The following KAZN variants were observed in gnomAD, a reference collection of about 807,000 sequenced individuals.
KAZN encodes the protein kazrin, periplakin interacting protein.
In KAZN, 40 loss-of-function variants were observed where a neutral mutation model predicts 87.4. The observed-to-expected ratio is 0.46, with a 90% CI of 0.36 to 0.60. The LOEUF is 0.60. KAZN is among the 20% of genes least tolerant of loss of function. KAZN has a pLI of 0.00. For missense variants in KAZN, 898 were observed against 1,073.9 expected (o/e 0.84, Z 2.29); for synonymous variants, 466 against 458.3 (o/e 1.02, Z -0.22).
chr1:14,228,046 ACTT>A (rs2100528265), intron 2 of KAZN, among the ~76,000 whole-genome samples: 1 of 152,206 alleles, frequency 6.6e-6, no homozygotes, highest in East Asian at 1.9e-4. Flanking sequence ...CTGTAGACTG[ACTT>A]CTTCTGATTA....
At chr1:14,019,193 A>T (rs1640710610) in intron 1 of KAZN, among the ~76,000 whole-genome samples, 1 of 152,242 alleles carries the variant, frequency 6.6e-6, no homozygotes. Context: ...AATCTATATC[A>T]GATGCTTGAA....
intron 2 of KAZN, among the ~76,000 whole-genome samples, chr1:14,358,805 C>G (rs1230413349): frequency 6.6e-6 from 1 of 152,132 alleles, no homozygotes; most frequent in Non-Finnish European, 1.5e-5. Flanking sequence ...GTTATGATTT[C>G]TGTTCTTTTG....
intron 3 of KAZN, among the ~76,000 whole-genome samples, chr1:15,043,633 CTTTTTTTTTTTTTTT>C (rs71000361): frequency 4.1e-5 from 3 of 72,622 alleles, no homozygotes; most frequent in South Asian, 5.5e-4. Context: ...CTCCCCACTT[CTTTTTTTTTTTTTTT>C]TTTTTTTTTT....
intron 2 of KAZN, among the ~76,000 whole-genome samples, chr1:14,353,633 A>G (rs547943772): frequency 4.6e-5 from 7 of 152,360 alleles, no homozygotes; most frequent in Non-Finnish European, 1.5e-5. Flanking sequence ...ACATAATTTA[A>G]TACTATCTTT....
intron 2 of KAZN, among the ~76,000 whole-genome samples, chr1:14,274,181 G>A (rs758517832): frequency 2.0e-5 from 3 of 152,138 alleles, no homozygotes; most frequent in Admixed American, 6.6e-5. Flanking sequence ...ATTTTTGTAC[G>A]TGAAAAATGT....
rs1355598627 is a variant in KAZN at position 14,773,298 on chromosome 1, G to A, written c.226+174075G>A. Among the ~76,000 whole-genome samples, 1 of 152,110 alleles carries A rather than the reference G, an allele frequency of 6.6e-6. No individual in the cohort carries two copies. The highest frequency in any genetic ancestry group is 2.4e-5 in the African/African-American group (1 of 41,442). On this transcript the variant is annotated intron_variant, in intron 1 of 14. Transcript: ENST00000376030. The surrounding 1 kb of genome is among the most constrained non-coding windows in gnomAD (Gnocchi z 5.9). ...AGTGGGACTGTGGCACACAGTGGTGGCCTGGCGTATGAGAAGACCACCCCC... is the reference window on the plus strand; with the variant it reads ...AGTGGGACTGTGGCACACAGTGGTGACCTGGCGTATGAGAAGACCACCCCC...
chr1:14,652,731 G>A (rs536114129), intron 1 of KAZN, among the ~76,000 whole-genome samples: 9 of 121,082 alleles, frequency 7.4e-5, no homozygotes, highest in African/African-American at 2.2e-4. Context: ...CCACCCATCC[G>A]TTAATCCATC....
intron 1 of KAZN, among the ~76,000 whole-genome samples, chr1:14,734,273 G>A (rs1236616010): frequency 6.6e-6 from 1 of 151,758 alleles, no homozygotes; most frequent in African/African-American, 2.4e-5. Flanking sequence ...GGTCTGGGGT[G>A]GGGCCAGAGA....
intron 1 of KAZN, among the ~76,000 whole-genome samples, chr1:13,921,512 A>C (rs1254157961): frequency 6.6e-6 from 1 of 152,250 alleles, no homozygotes; most frequent in African/African-American, 2.4e-5. Flanking sequence ...ATCCATGAGC[A>C]TGCCTTCCAA....
At chr1:15,112,738 C>A (rs554377676) in intron 14 of KAZN, 197 bp downstream of exon 14, 1 of 505,668 alleles carries the variant, frequency 2.0e-6, no homozygotes, top group East Asian at 3.1e-5. Context: ...GTGCACAAAG[C>A]CCCCGCAGGG....
At chr1:15,004,833 A>G (rs540666359) in intron 2 of KAZN, among the ~76,000 whole-genome samples, 1 of 152,314 alleles carries the variant, frequency 6.6e-6, no homozygotes, top group Admixed American at 6.5e-5. Context: ...CCTAATCTGT[A>G]AAGTGGGTAT....
At chr1:14,171,961 G>A (rs1029009810) in intron 1 of KAZN, among the ~76,000 whole-genome samples, 9 of 149,622 alleles carry the variant, frequency 6.0e-5, no homozygotes, top group South Asian at 2.1e-4. Context: ...ATGTCAAAGC[G>A]TGTCATTTTT....
chr1:14,094,021 C>T (rs954416535), intron 1 of KAZN, among the ~76,000 whole-genome samples: 8 of 152,056 alleles, frequency 5.3e-5, no homozygotes, highest in Middle Eastern at 3.4e-3. Context: ...AGCTGTAACA[C>T]GGAAAGGTGC....
At chr1:14,908,440 G>T (rs1656856810) in intron 1 of KAZN, among the ~76,000 whole-genome samples, 1 of 152,222 alleles carries the variant, frequency 6.6e-6, no homozygotes, top group African/African-American at 2.4e-5. Context: ...TCCTCGGGAG[G>T]CTGAGGCAGG....
intron 2 of KAZN, among the ~76,000 whole-genome samples, chr1:14,584,159 C>G (rs576987707): frequency 6.6e-6 from 1 of 152,334 alleles, no homozygotes; most frequent in East Asian, 1.9e-4. Context: ...GTGGGACCAC[C>G]AACCCAGTTC....
chr1:15,064,785 T>C (rs1429976760), intron 7 of KAZN, among the ~76,000 whole-genome samples: 1 of 152,248 alleles, frequency 6.6e-6, no homozygotes, highest in Non-Finnish European at 1.5e-5. Context: ...ACTGTGTGCT[T>C]AGTGCCCTGG....
chr1:14,605,228 G>A (rs1389921907), intron 1 of KAZN, among the ~76,000 whole-genome samples: 2 of 152,184 alleles, frequency 1.3e-5, no homozygotes, highest in African/African-American at 4.8e-5. Context: ...CAGTAAATGA[G>A]AACTGGTTTC....
intron 2 of KAZN, among the ~76,000 whole-genome samples, chr1:14,232,445 G>A (rs1430234288): frequency 5.3e-5 from 8 of 152,180 alleles, no homozygotes; most frequent in Non-Finnish European, 8.8e-5. Flanking sequence ...ACCTAGGACA[G>A]GAAGACCCTA....
Position 14,864,609 on chromosome 1 carries a change from G to C in KAZN, c.227-96075G>C, listed in dbSNP as rs111271936. Among the ~76,000 whole-genome samples the C allele has an allele frequency of 2.3e-3, 346 of 152,224 alleles. 2 individuals are homozygous for C. The highest frequency in any genetic ancestry group is 8.0e-3 in the African/African-American group (332 of 41,540). ...ATGGGCTTTGCTAAGTGGGTATAAA[G>C]GTGGGACGGACACAGCCCTAAACCT... On this transcript the variant is annotated intron_variant, in intron 1 of 14. Coordinates refer to ENST00000376030, the MANE Select transcript of KAZN (RefSeq NM_201628.3).
Sources: allele counts gnomAD v4.1 joint callset (sites outside exome capture counted in the v4.1 genomes callset), GRCh38; gene constraint gnomAD v4.1.1; non-coding constraint Gnocchi (gnomAD v3.1); transcripts MANE v1.5; gene names NCBI Gene and HGNC (gene_info 2026-07-23, HGNC 2026-07-21).